Variants in ILRUN observed in about 807,000 individuals in gnomAD.
The protein encoded by ILRUN is inflammation and lipid regulator with UBA-like and NBR1-like domains.
ILRUN carries 3 observed loss-of-function variants against 33.8 expected under a neutral mutation model. The ratio of observed to expected loss-of-function variants is 0.09; its 90% confidence interval spans 0.04 to 0.23. ILRUN has a LOEUF of 0.23. ILRUN is among the 10% of genes least tolerant of loss of function. The pLI is 1.00. For synonymous variants in ILRUN, 124 were observed against 138.9 expected (o/e 0.89, Z 0.75); for missense variants, 210 against 375.1 (o/e 0.56, Z 3.64).
At chr6:34,658,203 G>T (rs1206323392) in intron 1 of ILRUN, among the ~76,000 whole-genome samples, 1 of 151,924 alleles carries the variant, frequency 6.6e-6, no homozygotes, top group Non-Finnish European at 1.5e-5. Flanking sequence ...ACAAAAATTA[G>T]CTGGGCATAG....
intron 3 of ILRUN, among the ~76,000 whole-genome samples, chr6:34,623,543 G>C (rs2744964): frequency 0.17 from 25,306 of 151,882 alleles, 2,321 homozygotes; most frequent in African/African-American, 0.23. Context: ...AATCTGAGTG[G>C]GTAATAGCAC....
In ILRUN at chr6:34,646,500, T is replaced by C. The variant is rs1762566644; in HGVS notation, c.511+101A>G. 4 of 1,105,896 alleles carry C rather than the reference T, an allele frequency of 3.6e-6. No homozygotes were observed. The highest frequency in any genetic ancestry group is 2.6e-6 in the Non-Finnish European group (2 of 761,836). 68.5% of individuals were successfully genotyped at this position (1,105,896 alleles called of 1,614,324 possible). On this transcript the variant is annotated intron_variant, in intron 3 of 4. Coordinates refer to ENST00000374023, the MANE Select transcript of ILRUN (RefSeq NM_024294.4). The surrounding 1 kb of genome is among the most constrained non-coding windows in gnomAD (Gnocchi z 4.9). ...TGAGGTGACTGTTAAAAAGAGGCCA[T>C]GCCCTGTTATGCAATTTGACAGGCT... is the stretch of plus-strand genomic sequence containing the variant.
intron 1 of ILRUN, among the ~76,000 whole-genome samples, chr6:34,686,369 G>C (rs912698185): frequency 6.6e-6 from 1 of 150,758 alleles, no homozygotes; most frequent in Non-Finnish European, 1.5e-5. Context: ...GCGTGGTGGC[G>C]GGCGCCTGTA....
At chr6:34,617,903 G>A (rs1217848052) in intron 3 of ILRUN, among the ~76,000 whole-genome samples, 1 of 152,196 alleles carries the variant, frequency 6.6e-6, no homozygotes. Context: ...CAGGAAAGAA[G>A]AGAAGCCTAA....
chr6:34,607,601 A>G (rs753044346), intron 3 of ILRUN, among the ~76,000 whole-genome samples: 32 of 152,074 alleles, frequency 2.1e-4, no homozygotes, highest in African/African-American at 7.3e-4. Flanking sequence ...ATGTTCTGAG[A>G]AATGTATCAT....
At chr6:34,634,387 G>A (rs1762311903) in intron 3 of ILRUN, among the ~76,000 whole-genome samples, 1 of 152,030 alleles carries the variant, frequency 6.6e-6, no homozygotes, top group Non-Finnish European at 1.5e-5. Context: ...TATTATAAAT[G>A]AAGAAAGGTC....
chr6:34,653,659 G>A (rs978529360), intron 2 of ILRUN, among the ~76,000 whole-genome samples: 1 of 152,050 alleles, frequency 6.6e-6, no homozygotes, highest in Non-Finnish European at 1.5e-5. Context: ...TTAAACTCCT[G>A]GGCTCAAGTG....
At chr6:34,623,255 A>G (rs765846188) in intron 3 of ILRUN, among the ~76,000 whole-genome samples, 8 of 152,356 alleles carry the variant, frequency 5.3e-5, no homozygotes, top group Non-Finnish European at 8.8e-5. Context: ...CAATTAATCA[A>G]AACAAAAACA....
rs1229592329 is a variant in ILRUN at position 34,683,487 on chromosome 6, C to CATAT, written c.158+12955_158+12958dup. On this transcript the variant is annotated intron_variant, in intron 1 of 4. Transcript: ENST00000374023. ...ACATATATATACACATATATATATA[C>CATAT]ATATATATATACATATATATATATA... Among the ~76,000 whole-genome samples, 655 of 81,588 alleles carry CATAT rather than the reference C, an allele frequency of 8.0e-3. 9 individuals carry two copies. Among genetic ancestry groups the CATAT allele is most frequent in the African/African-American group, 0.042 (545 of 13,018 alleles). The allele number at this position is 81,588 out of a possible 152,430, so 53.5% of individuals were successfully genotyped here.
chr6:34,611,932 G>A (rs574845448), intron 3 of ILRUN, among the ~76,000 whole-genome samples: 1 of 152,240 alleles, frequency 6.6e-6, no homozygotes, highest in East Asian at 1.9e-4. Context: ...CATTTCCCAA[G>A]CCATAGTATC....
chr6:34,664,502 T>C (rs1762955859), intron 1 of ILRUN, among the ~76,000 whole-genome samples: 1 of 152,180 alleles, frequency 6.6e-6, no homozygotes, highest in South Asian at 2.1e-4. Flanking sequence ...CTGAGTCATT[T>C]CCTTCATAAT....
chr6:34,621,497 G>T (rs983376194), intron 3 of ILRUN, among the ~76,000 whole-genome samples: 1 of 152,008 alleles, frequency 6.6e-6, no homozygotes, highest in African/African-American at 2.4e-5. Context: ...GCATCACTAA[G>T]GCTAAAAAAT....
At chr6:34,607,041 AC>A in intron 3 of ILRUN, 137 bp from the exon 4 acceptor site, 1 of 685,024 alleles carries the variant, frequency 1.5e-6, no homozygotes, top group African/African-American at 1.8e-5. Context: ...AAGCTTGCTA[AC>A]AAAGCTGCCT....
chr6:34,658,721 T>C (rs1225514637), intron 1 of ILRUN, among the ~76,000 whole-genome samples: 1 of 151,982 alleles, frequency 6.6e-6, no homozygotes, highest in African/African-American at 2.4e-5. Flanking sequence ...TCAGGAGAAT[T>C]GCTTGAACCT....
intron 1 of ILRUN, among the ~76,000 whole-genome samples, chr6:34,684,559 GA>G (rs1030622185): frequency 5.5e-4 from 84 of 152,294 alleles, no homozygotes; most frequent in African/African-American, 2.0e-3. Flanking sequence ...GGCTTAGGGA[GA>G]AACAAAGGCT....
At chr6:34,668,032 A>C (rs2815003) in intron 1 of ILRUN, among the ~76,000 whole-genome samples, 37,461 of 152,056 alleles carry the variant, frequency 0.25, 4,691 homozygotes, top group East Asian at 0.33. Context: ...AGTCATGTAG[A>C]ATGATGCTCT....
chr6:34,658,899 C>T (rs1328486689), intron 1 of ILRUN, among the ~76,000 whole-genome samples: 1 of 152,232 alleles, frequency 6.6e-6, no homozygotes, highest in Non-Finnish European at 1.5e-5. Context: ...ATCAGTTTTA[C>T]TCATCTGCAA....
intron 3 of ILRUN, among the ~76,000 whole-genome samples, chr6:34,609,444 C>T (rs762312173): frequency 5.3e-5 from 8 of 151,960 alleles, no homozygotes; most frequent in Non-Finnish European, 1.0e-4. Flanking sequence ...GAGCTGAGAT[C>T]GTGCCCCTGC....
intron 4 of ILRUN, among the ~76,000 whole-genome samples, chr6:34,605,322 A>AAC (rs1280951270): frequency 2.1e-3 from 255 of 118,876 alleles, no homozygotes; most frequent in African/African-American, 8.3e-3. Flanking sequence ...CAAAAACAAA[A>AAC]AAAAAAAAAA....
Sources: allele counts gnomAD v4.1 joint callset (sites outside exome capture counted in the v4.1 genomes callset), GRCh38; gene constraint gnomAD v4.1.1; non-coding constraint Gnocchi (gnomAD v3.1); transcripts MANE v1.5; gene names NCBI Gene and HGNC (gene_info 2026-07-23, HGNC 2026-07-21).